The following XRCC5 variants were observed in gnomAD, a reference collection of about 807,000 sequenced individuals.
XRCC5 encodes the protein DNA repair protein Ku80.
XRCC5 carries 12 observed loss-of-function variants against 95.7 expected under a neutral mutation model. That is an observed-to-expected ratio of 0.13 (90% CI 0.08 to 0.20). XRCC5 has a LOEUF of 0.20. Ranked by LOEUF, XRCC5 falls within the 10% of genes least tolerant of loss-of-function variation. The pLI is 1.00. For missense variants in XRCC5, 595 were observed against 873.9 expected, an observed-to-expected ratio of 0.68 and a Z score of 4.02; for synonymous variants, 281 against 290.3, an observed-to-expected ratio of 0.97 and a Z score of 0.33.
intron 14 of XRCC5, among the ~76,000 whole-genome samples, chr2:216,154,196 A>G (rs912715695): frequency 6.6e-6 from 1 of 152,218 alleles, no homozygotes; most frequent in East Asian, 1.9e-4. Context: ...CTCAGTGTCA[A>G]GTGGCAATAA....
intron 1 of XRCC5, chr2:216,110,390 C>T (rs1696565106): frequency 6.6e-6 from 1 of 152,156 alleles, no homozygotes; most frequent in African/African-American, 2.4e-5. Flanking sequence ...CCCTCAACTC[C>T]TCATTGAGAA....
intron 16 of XRCC5, among the ~76,000 whole-genome samples, chr2:216,163,899 G>T (rs1689001911): frequency 1.3e-5 from 2 of 152,188 alleles, no homozygotes; most frequent in Non-Finnish European, 2.9e-5. Context: ...GATGGAAGAA[G>T]AGCTTTTTGT....
intron 11 of XRCC5, 91 bp downstream of exon 11, chr2:216,137,316 T>A: frequency 7.1e-7 from 1 of 1,400,058 alleles, no homozygotes; most frequent in Non-Finnish European, 9.5e-7. Context: ...GACAATTACT[T>A]GGGGATCTTG....
At chr2:216,122,679 G>A (rs995288896) in intron 6 of XRCC5, among the ~76,000 whole-genome samples, 2 of 149,926 alleles carry the variant, frequency 1.3e-5, no homozygotes, top group African/African-American at 4.9e-5. Flanking sequence ...TCCTATTAAG[G>A]TTTTAGAAAG....
intron 14 of XRCC5, among the ~76,000 whole-genome samples, 182 bp from the exon 15 acceptor site, chr2:216,159,886 C>T (rs909754267): frequency 4.4e-4 from 67 of 152,140 alleles, no homozygotes; most frequent in African/African-American, 1.5e-3. Flanking sequence ...GAAAGGGAGG[C>T]AGCTTGTTTG....
chr2:216,190,443 T>C, intron 17 of XRCC5, 109 bp downstream of exon 17: 15 of 912,666 alleles, frequency 1.6e-5, no homozygotes, highest in Non-Finnish European at 2.3e-5. Flanking sequence ...ATTATCATTC[T>C]CAATATGAAT....
intron 10 of XRCC5, among the ~76,000 whole-genome samples, 171 bp from the exon 11 acceptor site, chr2:216,136,917 G>A (rs1276981805): frequency 6.6e-6 from 1 of 152,182 alleles, no homozygotes; most frequent in Non-Finnish European, 1.5e-5. Flanking sequence ...TCCCAGAAGA[G>A]CTACAGTAAA....
At chr2:216,156,564 C>T in intron 14 of XRCC5, 4 of 595,334 alleles carry the variant, frequency 6.7e-6, no homozygotes, top group Admixed American at 5.6e-5. Flanking sequence ...GTGAGGTTAG[C>T]TTTCCCATGG....
At chr2:216,171,949 G>A (rs207929) in intron 16 of XRCC5, among the ~76,000 whole-genome samples, 94,348 of 152,112 alleles carry the variant, frequency 0.62, 30,402 homozygotes, top group African/African-American at 0.79. Context: ...ATAGAGTTGT[G>A]AAATTATCAC....
intron 16 of XRCC5, among the ~76,000 whole-genome samples, chr2:216,178,657 T>G: frequency 6.6e-6 from 1 of 152,240 alleles, no homozygotes; most frequent in East Asian, 1.9e-4. Flanking sequence ...CTCATCCCTG[T>G]ACATCTGCAT....
At chr2:216,116,433 A>G (rs1696698474) in intron 2 of XRCC5, among the ~76,000 whole-genome samples, 1 of 152,120 alleles carries the variant, frequency 6.6e-6, no homozygotes, top group South Asian at 2.1e-4. Flanking sequence ...CCACACCTCA[A>G]CTTCTGCTGA....
chr2:216,164,390 C>T (rs917512319), intron 16 of XRCC5, among the ~76,000 whole-genome samples: 1 of 152,196 alleles, frequency 6.6e-6, no homozygotes, highest in Non-Finnish European at 1.5e-5. Context: ...ATGTTCAAGG[C>T]ATTGTGCTAG....
At chr2:216,203,787 T>C (rs1411948235) in intron 19 of XRCC5, among the ~76,000 whole-genome samples, 2 of 151,602 alleles carry the variant, frequency 1.3e-5, no homozygotes, top group African/African-American at 4.9e-5. Context: ...ACGTTTCTTA[T>C]GAGAAGTCCC....
chr2:216,179,904 C>T (rs1689350539), intron 16 of XRCC5, among the ~76,000 whole-genome samples: 1 of 152,102 alleles, frequency 6.6e-6, no homozygotes, highest in Non-Finnish European at 1.5e-5. Flanking sequence ...AAGGCTTCGG[C>T]GTTAATCCAC....
chr2:216,125,586 C>T (rs1341168190), intron 6 of XRCC5, among the ~76,000 whole-genome samples: 2 of 152,098 alleles, frequency 1.3e-5, no homozygotes, highest in African/African-American at 4.8e-5. Flanking sequence ...CATGAATGTG[C>T]TTTTATCACA....
intron 13 of XRCC5, among the ~76,000 whole-genome samples, chr2:216,142,383 A>G (rs1248417833): frequency 2.0e-5 from 3 of 152,236 alleles, no homozygotes; most frequent in African/African-American, 7.2e-5. Context: ...AAGAATAATT[A>G]AAATACAGAA....
intron 14 of XRCC5, among the ~76,000 whole-genome samples, chr2:216,153,183 C>A (rs1374980182): frequency 1.3e-5 from 2 of 152,228 alleles, no homozygotes; most frequent in Non-Finnish European, 2.9e-5. Flanking sequence ...ACACTAACTG[C>A]TAAATTCACT....
intron 15 of XRCC5, among the ~76,000 whole-genome samples, 183 bp downstream of exon 15, chr2:216,160,344 CA>C (rs1418403923): frequency 6.6e-6 from 1 of 152,182 alleles, no homozygotes; most frequent in Non-Finnish European, 1.5e-5. Flanking sequence ...TAATTATTAT[CA>C]TGAATTGCCT....
chr2:216,190,368 A>T, intron 17 of XRCC5, 34 bp downstream of exon 17: 1 of 1,576,066 alleles, frequency 6.3e-7, no homozygotes. Context: ...TTCTTCCTAA[A>T]CAGTTGGCGA....
Sources: allele counts gnomAD v4.1 joint callset (sites outside exome capture counted in the v4.1 genomes callset), GRCh38; gene constraint gnomAD v4.1.1; transcripts MANE v1.5; gene names NCBI Gene and HGNC (gene_info 2026-07-23, HGNC 2026-07-21).